The following NOCT variants were observed in gnomAD, a reference collection of about 807,000 sequenced individuals.
NOCT encodes nocturnin, also known as CCR4 carbon catabolite repression 4-like.
A neutral mutation model predicts 35.0 loss-of-function variants in NOCT; 18 were observed. That is an observed-to-expected ratio of 0.51 (90% CI 0.36 to 0.76). The LOEUF (loss-of-function observed/expected upper bound fraction) is 0.76, where lower values mean the gene tolerates loss of function less well. Ranked by LOEUF, NOCT falls within the 30% of genes least tolerant of loss-of-function variation. NOCT has a pLI of 0.01. For synonymous variants in NOCT, 235 were observed against 226.3 expected, an observed-to-expected ratio of 1.04 and a Z score of -0.34; for missense variants, 479 against 541.0, an observed-to-expected ratio of 0.89 and a Z score of 1.14.
At chr4:139,016,224 C>T in intron 1 of NOCT, 53 bp downstream of exon 1, 5 of 1,169,130 alleles carry the variant, frequency 4.3e-6, no homozygotes, top group South Asian at 4.3e-5. Context: ...AACGCGCGGC[C>T]GCCACCTGGA....
At chr4:139,021,622 A>C (rs929429424) in intron 1 of NOCT, among the ~76,000 whole-genome samples, 1 of 152,156 alleles carries the variant, frequency 6.6e-6, no homozygotes, top group Non-Finnish European at 1.5e-5. Flanking sequence ...CTAAGTCACA[A>C]CTTAGAGTAA....
Position 139,045,507 on chromosome 4 carries a change from C to CTGTTT in NOCT, c.*34_*35insGTTTT. ...CTTTTGTCTTTTTAATCACAGGAGT[C>CTGTTT]TATTTTTTTTTTTTTTTTTTTTTTT... On this transcript the variant is annotated 3_prime_UTR_variant, in exon 3 of 3. Transcript: ENST00000280614. 1 of 411,266 alleles carries CTGTTT rather than the reference C, an allele frequency of 2.4e-6. No individual in the cohort carries two copies. The highest frequency in any genetic ancestry group is 3.9e-6 in the Non-Finnish European group (1 of 258,800). The allele number at this position is 411,266 out of a possible 1,614,324, so 25.5% of individuals were successfully genotyped here.
chr4:139,043,107 A>G lies in NOCT; in HGVS notation c.224A>G (p.Tyr75Cys), dbSNP rs1258779169. The change falls in exon 2 of 3, where the codon TAT (tyrosine) becomes TGT (cysteine). Residue 75 changes from tyrosine to cysteine, a missense_variant. By Grantham distance (194) the Tyr-to-Cys change is radical. Around this residue, in one of 2 missense-constraint regions of NOCT, gnomAD observed 265 missense variants for 257.0 expected, o/e 1.03. Coordinates refer to ENST00000280614, the MANE Select transcript of NOCT (RefSeq NM_012118.4). Reference protein sequence around the residue: ...CSMGTGTSRLYSALAKTLNSS... With the variant: ...CSMGTGTSRLCSALAKTLNSS... ...ATGGGAACCGGTACAAGCAGACTCTATAGTGCTCTCGCCAAGACACTGAAC... is the reference window on the plus strand; with the variant it reads ...ATGGGAACCGGTACAAGCAGACTCTGTAGTGCTCTCGCCAAGACACTGAAC... The G allele has an allele frequency of 3.7e-6, 6 of 1,613,094 alleles. No homozygotes were observed. The highest frequency in any genetic ancestry group is 2.2e-5 in the East Asian group (1 of 44,788).
At chr4:139,037,918 A>AT (rs1272477967) in intron 1 of NOCT, among the ~76,000 whole-genome samples, 1 of 150,988 alleles carries the variant, frequency 6.6e-6, no homozygotes, top group Non-Finnish European at 1.5e-5. Context: ...AAAAAAAAAA[A>AT]GGCTGGATGT....
intron 1 of NOCT, among the ~76,000 whole-genome samples, chr4:139,034,080 A>G (rs2148645507): frequency 6.6e-6 from 1 of 152,296 alleles, no homozygotes; most frequent in Non-Finnish European, 1.5e-5. Context: ...AAAGTTCAGG[A>G]GGCTGGGAAG....
intron 1 of NOCT, among the ~76,000 whole-genome samples, chr4:139,033,938 ACT>A (rs1384423453): frequency 5.9e-5 from 9 of 151,510 alleles, no homozygotes; most frequent in African/African-American, 1.9e-4. Context: ...TGCCCAGGCT[ACT>A]CTCAAACTCC....
At chr4:139,029,968 T>A (rs574810779) in intron 1 of NOCT, among the ~76,000 whole-genome samples, 1 of 152,312 alleles carries the variant, frequency 6.6e-6, no homozygotes, top group Non-Finnish European at 1.5e-5. Context: ...CTTGGCTCAC[T>A]GCAACCTCTG....
In NOCT at chr4:139,045,274, A is replaced by T; in HGVS notation, c.1096A>T (p.Ile366Phe). 1 of 1,614,166 alleles carries T rather than the reference A, an allele frequency of 6.2e-7. No homozygotes were observed. Among genetic ancestry groups the T allele is most frequent in the African/African-American group, 1.3e-5 (1 of 75,028 alleles). The part of the protein sequence containing the change: ...QSEPPYTTWK[I>F]RTSGECRHTL... ...AGAACCCCCATACACTACCTGGAAG[A>T]TCCGGACCTCAGGGGAGTGCAGGCA... The change falls in exon 3 of 3, where the codon ATC becomes TTC. Residue 366 changes from isoleucine (I) to phenylalanine (F), a missense_variant. By Grantham distance (21) the Ile-to-Phe change is conservative. Transcript: ENST00000280614.
At chr4:139,044,264 G>T (rs1303266532) in intron 2 of NOCT, among the ~76,000 whole-genome samples, 1 of 149,532 alleles carries the variant, frequency 6.7e-6, no homozygotes, top group East Asian at 2.0e-4. Context: ...AATAGTCAGG[G>T]TTAAAACTAA....
In NOCT at chr4:139,016,112, C is replaced by G; in HGVS notation, c.131C>G (p.Pro44Arg). The G allele has an allele frequency of 7.6e-7, 1 of 1,313,066 alleles. No individual in the cohort carries two copies. The highest frequency in any genetic ancestry group is 3.1e-5 in the East Asian group (1 of 32,066). 81.3% of individuals were successfully genotyped at this position (1,313,066 alleles called of 1,614,324 possible). ...PPAAVPRPASPRLLAAASAAS... is the reference protein window; with the variant it reads ...PPAAVPRPASRRLLAAASAAS... ...GCTGCTGTTCCCAGGCCCGCATCCC[C>G]CCGGCTGCTGGCGGCGGCCTCGGCG... is the stretch of plus-strand genomic sequence containing the variant. The change falls in exon 1 of 3, where the codon CCC becomes CGC. Residue 44 changes from proline to arginine, a missense_variant. Pro to Arg is a moderately radical substitution (Grantham distance 103). Transcript: ENST00000280614.
intron 1 of NOCT, among the ~76,000 whole-genome samples, chr4:139,032,410 C>T (rs1578629422): frequency 6.6e-6 from 1 of 152,092 alleles, no homozygotes; most frequent in Admixed American, 6.6e-5. Context: ...GTCCCAACAC[C>T]TAGGGAGGCT....
In NOCT at chr4:139,043,531, T is replaced by C. The variant is rs537403571; in HGVS notation, c.460+188T>C. The C allele has an allele frequency of 1.6e-5, 9 of 573,984 alleles. No individual in the cohort carries two copies. In the South Asian group the frequency reaches 2.3e-4, roughly 15 times the overall value. 35.6% of individuals were successfully genotyped at this position (573,984 alleles called of 1,614,324 possible). On this transcript the variant is annotated intron_variant, in intron 2 of 2. Coordinates refer to ENST00000280614, the MANE Select transcript of NOCT (RefSeq NM_012118.4). Reference sequence around the variant, plus strand: ...TCATCTGGTTTTCACTTTTTTTTTTTTTTTAGAAAGAAAAAAGACACTTTA... The same window carrying C: ...TCATCTGGTTTTCACTTTTTTTTTTCTTTTAGAAAGAAAAAAGACACTTTA...
Position 139,022,823 on chromosome 4 carries a change from C to T in NOCT, c.190+6652C>T, listed in dbSNP as rs184725216. ...AGAAGTTACGATGCTGCCCGGGTAC[C>T]GTGGCTCATGCCTGTAATCCCAGCA... On this transcript the variant is annotated intron_variant, in intron 1 of 2. Transcript: ENST00000280614. Among the ~76,000 whole-genome samples, 6 of 152,168 alleles carry T rather than the reference C, an allele frequency of 3.9e-5. No homozygotes were observed. In the East Asian group the frequency reaches 5.8e-4, roughly 15 times the overall value.
chr4:139,016,578 A>G (rs1726307928), intron 1 of NOCT, among the ~76,000 whole-genome samples: 1 of 146,424 alleles, frequency 6.8e-6, no homozygotes, highest in Non-Finnish European at 1.5e-5. Flanking sequence ...TATAGCTTTC[A>G]TGGTCTAGAT....
intron 1 of NOCT, among the ~76,000 whole-genome samples, chr4:139,026,899 G>A (rs374637554): frequency 0.68 from 2,423 of 3,546 alleles, 850 homozygotes; most frequent in Middle Eastern, 1. Flanking sequence ...TTTTTGAGAC[G>A]GAGTCTCGCT....
Position 139,045,300 on chromosome 4 carries a change from C to A in NOCT, c.1122C>A (p.His374Gln), listed in dbSNP as rs770391718. 6.2e-7 allele frequency: 1 copy of A among 1,614,020 alleles called. No homozygotes were observed. ...TCCGGACCTCAGGGGAGTGCAGGCA[C>A]ACCCTGGATTACATCTGGTATTCTA... ...WKIRTSGECR[H>Q]TLDYIWYSKH... Residue 374 changes from histidine to glutamine, a missense_variant, in exon 3 of 3, where the codon CAC becomes CAA. By Grantham distance (24) the His-to-Gln change is conservative. Coordinates refer to ENST00000280614, the MANE Select transcript of NOCT (RefSeq NM_012118.4).
At chr4:139,040,919 T>TA (rs1451875805) in intron 1 of NOCT, among the ~76,000 whole-genome samples, 1 of 151,956 alleles carries the variant, frequency 6.6e-6, no homozygotes, top group African/African-American at 2.4e-5. Flanking sequence ...AAAAAAAAAG[T>TA]ACAAGAAGAA....
chr4:139,036,197 G>A (rs1578631119), intron 1 of NOCT, among the ~76,000 whole-genome samples: 1 of 152,140 alleles, frequency 6.6e-6, no homozygotes, highest in Non-Finnish European at 1.5e-5. Flanking sequence ...GCTCAGTGAT[G>A]TATCTCCAGG....
At chr4:139,025,832 C>G (rs922979959) in intron 1 of NOCT, among the ~76,000 whole-genome samples, 1 of 151,852 alleles carries the variant, frequency 6.6e-6, no homozygotes, top group Non-Finnish European at 1.5e-5. Context: ...TAAATATAGG[C>G]ACTTTATTTC....
Sources: gnomAD v4.1 joint callset for allele counts (sites outside exome capture counted in the v4.1 genomes callset) on GRCh38, gnomAD v4.1.1 for gene constraint, gnomAD v4.1.1 regional missense constraint, MANE v1.5 for transcripts, NCBI Gene and HGNC (gene_info 2026-07-23, HGNC 2026-07-21) for gene names.